Variants in CCBE1 observed in about 807,000 individuals in gnomAD.
CCBE1 encodes collagen and calcium binding EGF domains 1, also known as collagen and calcium-binding EGF domain-containing protein 1.
In CCBE1, 37 loss-of-function variants were observed where a neutral mutation model predicts 50.0. The observed-to-expected ratio is 0.74, with a 90% CI of 0.57 to 0.97. The LOEUF is 0.97. Ranked by LOEUF, CCBE1 falls within the 50% of genes least tolerant of loss-of-function variation. The pLI is 0.00. For synonymous variants in CCBE1, 234 were observed against 203.7 expected, an observed-to-expected ratio of 1.15 and a Z score of -1.27; for missense variants, 538 against 523.8, an observed-to-expected ratio of 1.03 and a Z score of -0.26.
chr18:59,479,940 T>A (rs762308942), intron 3 of CCBE1, among the ~76,000 whole-genome samples: 6 of 152,240 alleles, frequency 3.9e-5, no homozygotes, highest in Non-Finnish European at 8.8e-5. Context: ...TCATTAATCA[T>A]AAAACCTGAA....
At chr18:59,440,851 A>G (rs2143623540) in intron 7 of CCBE1, among the ~76,000 whole-genome samples, 1 of 152,290 alleles carries the variant, frequency 6.6e-6, no homozygotes, top group Middle Eastern at 3.4e-3. Flanking sequence ...AGCATGGAGT[A>G]AGTAATAGCA....
chr18:59,551,003 A>G lies in CCBE1; in HGVS notation c.213-70765T>C, dbSNP rs1255471639. On this transcript the variant is annotated intron_variant, in intron 2 of 10. Transcript: ENST00000439986. Reference sequence around the variant, plus strand: ...CTGGGCAACACAGCGAGACTCAAAAAAAAAAAAAAAAAAAAAAAAAAAAAA... The same window carrying G: ...CTGGGCAACACAGCGAGACTCAAAAGAAAAAAAAAAAAAAAAAAAAAAAAA... Among the ~76,000 whole-genome samples the G allele has an allele frequency of 5.5e-4, 13 of 23,566 alleles. 1 individual carries two copies. Among genetic ancestry groups the G allele is most frequent in the African/African-American group, 1.7e-3 (12 of 6,974 alleles). The allele number at this position is 23,566 out of a possible 152,430, so 15.5% of individuals were successfully genotyped here. A position where few individuals can be genotyped will look rare whatever the true frequency, so the allele number is the denominator to read the frequency against.
intron 2 of CCBE1, among the ~76,000 whole-genome samples, chr18:59,570,416 A>G (rs1472580609): frequency 6.6e-6 from 1 of 152,220 alleles, no homozygotes. Flanking sequence ...TACTTAAGAT[A>G]GTCAGCCACC....
chr18:59,504,826 C>T (rs66460508), intron 2 of CCBE1, among the ~76,000 whole-genome samples: 8,218 of 152,234 alleles, frequency 0.054, 317 homozygotes, highest in Middle Eastern at 0.12. Context: ...CTCTCTAAGC[C>T]AAGCACACAG....
intron 3 of CCBE1, among the ~76,000 whole-genome samples, chr18:59,473,107 A>G (rs976304156): frequency 2.6e-5 from 4 of 152,148 alleles, no homozygotes; most frequent in African/African-American, 9.7e-5. Flanking sequence ...TCTCTCTTCC[A>G]GTTTACTCCC....
chr18:59,609,696 T>C (rs2053545038), intron 2 of CCBE1, among the ~76,000 whole-genome samples: 1 of 152,248 alleles, frequency 6.6e-6, no homozygotes, highest in Non-Finnish European at 1.5e-5. Context: ...CCATTCTTCA[T>C]GTGTTATGTT....
At chr18:59,554,133 G>A (rs1916026524) in intron 2 of CCBE1, among the ~76,000 whole-genome samples, 1 of 152,108 alleles carries the variant, frequency 6.6e-6, no homozygotes, top group South Asian at 2.1e-4. Context: ...AGGTCTGCAG[G>A]CACTCCCCAC....
chr18:59,484,415 G>T (rs1041002890), intron 2 of CCBE1, among the ~76,000 whole-genome samples: 3 of 152,190 alleles, frequency 2.0e-5, no homozygotes, highest in Non-Finnish European at 2.9e-5. Context: ...TGAGCTGTTT[G>T]ATGGCGTTTT....
intron 2 of CCBE1, among the ~76,000 whole-genome samples, chr18:59,681,175 C>G (rs1210534956): frequency 1.3e-5 from 2 of 152,198 alleles, no homozygotes; most frequent in African/African-American, 4.8e-5. Context: ...GAACCAGAAC[C>G]CGGAGCAGCA....
chr18:59,443,935 TTC>T lies in CCBE1; in HGVS notation c.775+4046_775+4047del, dbSNP rs1162921798. 3.9e-5 allele frequency among the ~76,000 whole-genome samples: 6 copies of T among 152,310 alleles called. No individual in the cohort carries two copies. The East Asian group carries it at 7.7e-4, about 20-fold the overall frequency. ...AGCCCCTGATAACAACCAGTCTACT[TTC>T]TGTTTCTATGAGTTTAATTATTTTA... On this transcript the variant is annotated intron_variant, in intron 7 of 10. Coordinates refer to ENST00000439986, the MANE Select transcript of CCBE1 (RefSeq NM_133459.4).
intron 2 of CCBE1, among the ~76,000 whole-genome samples, chr18:59,594,840 G>A (rs770417159): frequency 5.3e-5 from 8 of 152,032 alleles, no homozygotes; most frequent in South Asian, 2.1e-4. Context: ...TCAGCCGGGC[G>A]CGGTGGCTCA....
intron 2 of CCBE1, among the ~76,000 whole-genome samples, chr18:59,523,382 G>C (rs1231311637): frequency 6.6e-6 from 1 of 150,604 alleles, no homozygotes; most frequent in African/African-American, 2.4e-5. Context: ...TTCAAAACCT[G>C]GGTCTGTTTC....
At chr18:59,684,462 C>A (rs549165381) in intron 2 of CCBE1, among the ~76,000 whole-genome samples, 1 of 152,192 alleles carries the variant, frequency 6.6e-6, no homozygotes, top group East Asian at 1.9e-4. Flanking sequence ...AAAAAAAATT[C>A]TCCATTACTA....
intron 2 of CCBE1, among the ~76,000 whole-genome samples, chr18:59,658,339 AAAAAAAAAAAAAAAAATATATATATATAT>A (rs2054220274): frequency 2.8e-5 from 1 of 35,666 alleles, no homozygotes; most frequent in African/African-American, 1.1e-4. Context: ...AAAAAAAAAA[AAAAAAAAAAAAAAAAATATATATATATAT>A]ATATATATAT....
At chr18:59,633,532 T>A (rs994143699) in intron 2 of CCBE1, among the ~76,000 whole-genome samples, 9 of 152,230 alleles carry the variant, frequency 5.9e-5, no homozygotes, top group African/African-American at 2.2e-4. Flanking sequence ...CCTTCCTCTA[T>A]CATCATCTGT....
chr18:59,697,178 G>C, intron 1 of CCBE1, 34 bp downstream of exon 1: 1 of 1,547,544 alleles, frequency 6.5e-7, no homozygotes. Flanking sequence ...CATCAAGCAG[G>C]AGCTCGCCCT....
chr18:59,602,894 A>T (rs2053451043), intron 2 of CCBE1, among the ~76,000 whole-genome samples: 1 of 152,178 alleles, frequency 6.6e-6, no homozygotes, highest in Admixed American at 6.5e-5. Context: ...TTGGGATCAG[A>T]CTCCAGCTTC....
chr18:59,469,464 C>T lies in CCBE1; in HGVS notation c.400+9G>A. The T allele has an allele frequency of 6.2e-7, 1 of 1,614,180 alleles. No homozygotes were observed. Among genetic ancestry groups the T allele is most frequent in the Non-Finnish European group, 8.5e-7 (1 of 1,180,024 alleles). On this transcript the variant is annotated intron_variant, in intron 4 of 10. Transcript: ENST00000439986. ...TCAGAAGCTGGAAACAAGCACATTC[C>T]CAACACACCCAGACAGTATGGCTTC...
Position 59,697,300 on chromosome 18 carries a change from G to T in CCBE1, c.43C>A (p.Gln15Lys). Reference sequence around the variant, plus strand: ...AGCGGACCCAGGCTCCTGCCCAGCTGGCCCCTGGCAGCTCCTCCCCGGCTC... The same window carrying T: ...AGCGGACCCAGGCTCCTGCCCAGCTTGCCCCTGGCAGCTCCTCCCCGGCTC... The part of the protein sequence containing the change: ...PPSRGGAARG[Q>K]LGRSLGPLLL... Residue 15 changes from glutamine to lysine, a missense_variant, in exon 1 of 11, where the codon CAG becomes AAG. By Grantham distance (53) the Gln-to-Lys change is moderately conservative (BLOSUM62 1). Transcript: ENST00000439986. 1 of 1,549,096 alleles carries T rather than the reference G, an allele frequency of 6.5e-7. No individual in the cohort carries two copies. The highest frequency in any genetic ancestry group is 8.7e-7 in the Non-Finnish European group (1 of 1,146,872).
Sources: gnomAD v4.1 joint callset for allele counts (sites outside exome capture counted in the v4.1 genomes callset) on GRCh38, gnomAD v4.1.1 for gene constraint, MANE v1.5 for transcripts, NCBI Gene and HGNC (gene_info 2026-07-23, HGNC 2026-07-21) for gene names.